Variants in ARFGEF1 observed in about 807,000 individuals in gnomAD.
ARFGEF1 encodes ARF guanine nucleotide exchange factor 1.
ARFGEF1 carries 42 observed loss-of-function variants against 231.0 expected under a neutral mutation model. The ratio of observed to expected loss-of-function variants is 0.18; its 90% CI spans 0.14 to 0.24. ARFGEF1 has a LOEUF of 0.24. ARFGEF1 is among the 10% of genes least tolerant of loss of function. ARFGEF1 has a pLI of 1.00. For synonymous variants in ARFGEF1, 710 were observed against 732.3 expected, an observed-to-expected ratio of 0.97 and a Z score of 0.49; for missense variants, 1,345 against 2,192.0, an observed-to-expected ratio of 0.61 and a Z score of 7.72.
At chr8:67,202,991 T>C in intron 36 of ARFGEF1, 92 bp downstream of exon 36, 2 of 1,332,236 alleles carry the variant, frequency 1.5e-6, no homozygotes, top group South Asian at 2.8e-5. Flanking sequence ...TGCACAGACC[T>C]ATAGCAGACA....
At chr8:67,316,207 A>G (rs1044933157) in intron 1 of ARFGEF1, among the ~76,000 whole-genome samples, 3 of 152,208 alleles carry the variant, frequency 2.0e-5, no homozygotes, top group African/African-American at 7.2e-5. Flanking sequence ...AGCACAAGCT[A>G]CCACAATTCT....
At chr8:67,244,606 G>A (rs1206591090) in intron 19 of ARFGEF1, among the ~76,000 whole-genome samples, 1 of 149,276 alleles carries the variant, frequency 6.7e-6, no homozygotes, top group Non-Finnish European at 1.5e-5. Context: ...AGCCCCATAA[G>A]TCTCTTAATA....
chr8:67,337,142 A>AAC (rs1808385622), intron 1 of ARFGEF1, among the ~76,000 whole-genome samples: 1 of 151,704 alleles, frequency 6.6e-6, no homozygotes, highest in Non-Finnish European at 1.5e-5. Flanking sequence ...AAAAAAAAAA[A>AAC]AAAAAAAAAC....
At position 67,343,617 on chromosome 8, in the gene ARFGEF1, C is replaced by T. The variant is rs1047662881; in HGVS notation, c.-330G>A. ...CCCTGGTGGCGGTGAGGGAGCCCGG[C>T]CCGGGCGGCTGTCTGCCGGGAACTG... On this transcript the variant is annotated 5_prime_UTR_variant, in exon 1 of 39. Transcript: ENST00000262215. 9.6e-7 allele frequency: 1 copy of T among 1,041,514 alleles called. No homozygotes were observed. The highest frequency in any genetic ancestry group is 1.7e-5 in the African/African-American group (1 of 58,850). The allele number at this position is 1,041,514 out of a possible 1,614,324, so 64.5% of individuals were successfully genotyped here.
intron 27 of ARFGEF1, 76 bp from the exon 28 acceptor site, chr8:67,226,259 G>A: frequency 8.0e-7 from 1 of 1,243,302 alleles, no homozygotes; most frequent in Non-Finnish European, 1.1e-6. Context: ...CCAACATCTA[G>A]ATGTAATGCA....
downstream of ARFGEF1, among the ~76,000 whole-genome samples, chr8:67,194,846 C>T (rs1428027234): frequency 1.3e-5 from 2 of 152,174 alleles, no homozygotes; most frequent in Admixed American, 1.3e-4. Context: ...ATTGACTGGA[C>T]ACGGCCTTGT....
chr8:67,293,304 G>A (rs1806088627), intron 5 of ARFGEF1, among the ~76,000 whole-genome samples: 1 of 152,050 alleles, frequency 6.6e-6, no homozygotes, highest in Non-Finnish European at 1.5e-5. Context: ...ATCTTCAAAG[G>A]TAATAGTCAA....
chr8:67,302,653 T>C (rs542456604), intron 1 of ARFGEF1, among the ~76,000 whole-genome samples, 187 bp from the exon 2 acceptor site: 2 of 152,294 alleles, frequency 1.3e-5, no homozygotes, highest in East Asian at 1.9e-4. Context: ...CATAAAACTA[T>C]ATGAATAGGT....
intron 4 of ARFGEF1, among the ~76,000 whole-genome samples, chr8:67,298,197 T>A (rs1266965167): frequency 6.6e-6 from 1 of 152,046 alleles, no homozygotes; most frequent in African/African-American, 2.4e-5. Flanking sequence ...TATTCACACA[T>A]GAAAGAACAC....
At chr8:67,293,527 T>A (rs1373480153) in intron 5 of ARFGEF1, among the ~76,000 whole-genome samples, 1 of 151,874 alleles carries the variant, frequency 6.6e-6, no homozygotes, top group Non-Finnish European at 1.5e-5. Flanking sequence ...CAGAGGAGAG[T>A]GACTTAATAG....
rs967066051 is a variant in ARFGEF1 at position 67,224,858 on chromosome 8, A to C, written c.4208+45T>G. 4 of 1,373,200 alleles carry C rather than the reference A, an allele frequency of 2.9e-6. No individual in the cohort carries two copies. In the African/African-American group the frequency reaches 5.9e-5, roughly 20 times the overall value. 85.1% of individuals were successfully genotyped at this position (1,373,200 alleles called of 1,614,324 possible). A position where few individuals can be genotyped will look rare whatever the true frequency, so the allele number is the denominator to read the frequency against. On this transcript the variant is annotated intron_variant, in intron 29 of 38. Coordinates refer to ENST00000262215, the MANE Select transcript of ARFGEF1 (RefSeq NM_006421.5). ...TATAAAGAAGAGTTAATTTGATTAA[A>C]GTCAAAATAAATCCAAAATTTTAAT...
At chr8:67,311,672 G>C (rs1393928758) in intron 1 of ARFGEF1, among the ~76,000 whole-genome samples, 1 of 152,070 alleles carries the variant, frequency 6.6e-6, no homozygotes, top group South Asian at 2.1e-4. Context: ...GGGCGCCTCT[G>C]CCCGGCCGCC....
chr8:67,301,343 G>A lies in ARFGEF1; in HGVS notation c.193C>T (p.Leu65Phe). The change falls in exon 3 of 39, where the codon CTT (leucine) becomes TTT (phenylalanine). Residue 65 changes from leucine (L) to phenylalanine (F), a missense_variant. Around this residue, in one of 14 missense-constraint regions of ARFGEF1, gnomAD observed 398 missense variants for 463.2 expected, o/e 0.86. Coordinates refer to ENST00000262215, the MANE Select transcript of ARFGEF1 (RefSeq NM_006421.5). Reference sequence around the variant, plus strand: ...TTTGTCTTTGATTTCACTGGTGGAAGGGTGCTTGATCCAGCTTTTGCTTCT... The same window carrying A: ...TTTGTCTTTGATTTCACTGGTGGAAAGGTGCTTGATCCAGCTTTTGCTTCT... ...HGEAKAGSST[L>F]PPVKSKTNFI... 1 of 1,613,988 alleles carries A rather than the reference G, an allele frequency of 6.2e-7. No individual in the cohort carries two copies. Among genetic ancestry groups the A allele is most frequent in the Non-Finnish European group, 8.5e-7 (1 of 1,179,976 alleles).
At chr8:67,256,106 C>G (rs1840444707) in intron 17 of ARFGEF1, among the ~76,000 whole-genome samples, 1 of 149,178 alleles carries the variant, frequency 6.7e-6, no homozygotes, top group African/African-American at 2.5e-5. Flanking sequence ...ATTGAAAAAT[C>G]AAATGAAAAA....
chr8:67,175,203 A>T (rs922371394), downstream of ARFGEF1: 2 of 885,872 alleles, frequency 2.3e-6, no homozygotes, highest in Non-Finnish European at 3.6e-6. Flanking sequence ...TGATTTTGAA[A>T]TTAGGTTACT....
chr8:67,296,253 TA>T (rs1240910051), intron 5 of ARFGEF1, among the ~76,000 whole-genome samples, 177 bp downstream of exon 5: 1 of 152,114 alleles, frequency 6.6e-6, no homozygotes, highest in African/African-American at 2.4e-5. Context: ...GTTAAGTCGG[TA>T]AACCTTAAAA....
In ARFGEF1 at chr8:67,299,284, A is replaced by G. The variant is rs1296243198; in HGVS notation, c.384T>C (p.Asp128=). The change falls in exon 4 of 39, where the codon GAT becomes GAC. Residue 128 remains aspartate, a synonymous_variant. Coordinates refer to ENST00000262215, the MANE Select transcript of ARFGEF1 (RefSeq NM_006421.5). ...AGCCACATATTGTTTCAATAATTCT[A>G]TCAATTAATTTTTTGCCTGGTGTTG... ...DSTTPGKKLI[D]RIIETICGCF... 3 of 1,609,424 alleles carry G rather than the reference A, an allele frequency of 1.9e-6. No individual in the cohort carries two copies. In the Admixed American group the frequency reaches 5.0e-5, roughly 27 times the overall value.
chr8:67,180,166 T>C (rs1163976533), intron 5 of ARFGEF1, among the ~76,000 whole-genome samples: 1 of 152,194 alleles, frequency 6.6e-6, no homozygotes, highest in African/African-American at 2.4e-5. Context: ...AACAGCCTCA[T>C]TTCTAATGCC....
At chr8:67,249,090 T>C (rs1005102332) in intron 19 of ARFGEF1, among the ~76,000 whole-genome samples, 4 of 150,486 alleles carry the variant, frequency 2.7e-5, no homozygotes, top group Non-Finnish European at 4.4e-5. Context: ...CCAGGAACTA[T>C]GGTTGATGTT....
Sources: allele counts gnomAD v4.1 joint callset (sites outside exome capture counted in the v4.1 genomes callset), GRCh38; gene constraint gnomAD v4.1.1; regional missense constraint gnomAD v4.1.1; transcripts MANE v1.5; gene names NCBI Gene and HGNC (gene_info 2026-07-23, HGNC 2026-07-21).